Variants in AKR1C8 observed in about 807,000 individuals in gnomAD.
The protein encoded by AKR1C8 is aldo-keto reductase family 1 member C8.
chr10:5,175,630 A>C, the AKR1C8 span, among the ~76,000 whole-genome samples: 1 of 152,180 alleles, frequency 6.6e-6, no homozygotes, highest in South Asian at 2.1e-4. Context: ...CATCCTCTCC[A>C]GCACCTGTTG....
At chr10:5,174,247 T>C in the AKR1C8 span, among the ~76,000 whole-genome samples, 1 of 149,120 alleles carries the variant, frequency 6.7e-6, no homozygotes, top group African/African-American at 2.5e-5. Flanking sequence ...CTTCTGTCTA[T>C]AGAGTCATAT....
the AKR1C8 span, chr10:5,158,631 T>C: frequency 2.1e-6 from 1 of 481,934 alleles, no homozygotes; most frequent in Non-Finnish European, 4.3e-6. Context: ...CCCAGGGCAC[T>C]GTAGGCAACT....
the AKR1C8 span, among the ~76,000 whole-genome samples, chr10:5,184,041 T>C: frequency 6.6e-6 from 1 of 152,168 alleles, no homozygotes; most frequent in African/African-American, 2.4e-5. Flanking sequence ...ATGTGGACCG[T>C]GAGATGAGCC....
chr10:5,116,503 T>A, the AKR1C8 span, among the ~76,000 whole-genome samples: 1 of 152,108 alleles, frequency 6.6e-6, no homozygotes, highest in Non-Finnish European at 1.5e-5. Context: ...TACTAATACA[T>A]TGGATGCTGA....
the AKR1C8 span, among the ~76,000 whole-genome samples, chr10:5,120,898 T>C: frequency 6.6e-6 from 1 of 152,160 alleles, no homozygotes; most frequent in Non-Finnish European, 1.5e-5. Flanking sequence ...AATATGATGC[T>C]ATTACATTGC....
the AKR1C8 span, among the ~76,000 whole-genome samples, chr10:5,128,120 C>G: frequency 2.0e-5 from 3 of 152,134 alleles, no homozygotes; most frequent in African/African-American, 7.2e-5. Flanking sequence ...GATTGAGGTC[C>G]TATCTTTAGC....
the AKR1C8 span, among the ~76,000 whole-genome samples, chr10:5,169,527 G>T: frequency 1.3e-5 from 1 of 75,062 alleles, no homozygotes; most frequent in Non-Finnish European, 3.3e-5. Flanking sequence ...CTGATTGGTT[G>T]AGACAGAAGT....
At chr10:5,124,991 TAA>T in the AKR1C8 span, among the ~76,000 whole-genome samples, 5 of 145,546 alleles carry the variant, frequency 3.4e-5, no homozygotes, top group Non-Finnish European at 7.6e-5. Context: ...TTTGAAAACG[TAA>T]AAAAAAAAAG....
chr10:5,136,887 A>C, the AKR1C8 span, among the ~76,000 whole-genome samples: 2 of 152,190 alleles, frequency 1.3e-5, no homozygotes, highest in Non-Finnish European at 2.9e-5. Flanking sequence ...AATTCTGACA[A>C]GAGATAAACA....
the AKR1C8 span, among the ~76,000 whole-genome samples, chr10:5,142,856 G>A: frequency 2.0e-5 from 3 of 152,080 alleles, no homozygotes; most frequent in Admixed American, 2.0e-4. Flanking sequence ...ATGTGCTATT[G>A]GAAAAATGGT....
chr10:5,155,583 G>C, the AKR1C8 span: 1 of 353,596 alleles, frequency 2.8e-6, no homozygotes, highest in Admixed American at 3.4e-5. Context: ...CCTGAATTTG[G>C]GCCTGTCTTC....
At chr10:5,140,177 G>C in the AKR1C8 span, among the ~76,000 whole-genome samples, 12 of 152,278 alleles carry the variant, frequency 7.9e-5, no homozygotes, top group East Asian at 2.3e-3. Context: ...GGAGAAATAG[G>C]AATGTTTTTA....
the AKR1C8 span, among the ~76,000 whole-genome samples, chr10:5,180,711 T>C: frequency 6.6e-6 from 1 of 152,254 alleles, no homozygotes; most frequent in Non-Finnish European, 1.5e-5. Flanking sequence ...TCCCCCAGCC[T>C]GGCTGTCGCC....
At chr10:5,118,589 C>T in the AKR1C8 span, among the ~76,000 whole-genome samples, 1 of 152,066 alleles carries the variant, frequency 6.6e-6, no homozygotes, top group Non-Finnish European at 1.5e-5. Context: ...AAGAAAGATT[C>T]TAGTTTCTGT....
At chr10:5,148,591 G>A in the AKR1C8 span, among the ~76,000 whole-genome samples, 1 of 152,144 alleles carries the variant, frequency 6.6e-6, no homozygotes, top group Non-Finnish European at 1.5e-5. Flanking sequence ...TTACATTCTT[G>A]TGAGCCTCTT....
the AKR1C8 span, chr10:5,155,566 C>T: frequency 2.9e-6 from 1 of 350,542 alleles, no homozygotes; most frequent in Non-Finnish European, 6.0e-6. Context: ...TCCTATTTCA[C>T]CCCATGCCTG....
At chr10:5,115,845 C>A in the AKR1C8 span, among the ~76,000 whole-genome samples, 1 of 152,008 alleles carries the variant, frequency 6.6e-6, no homozygotes, top group Non-Finnish European at 1.5e-5. Flanking sequence ...TATACATGCA[C>A]AAATATGGTT....
chr10:5,118,939 T>TAAAAAA, the AKR1C8 span, among the ~76,000 whole-genome samples: 1 of 149,974 alleles, frequency 6.7e-6, no homozygotes, highest in Non-Finnish European at 1.5e-5. Context: ...TAAATTTCTT[T>TAAAAAA]AAAAAAAAAA....
the AKR1C8 span, among the ~76,000 whole-genome samples, chr10:5,128,301 A>C: frequency 6.6e-6 from 1 of 152,158 alleles, no homozygotes; most frequent in Non-Finnish European, 1.5e-5. Flanking sequence ...TTCAACCAAA[A>C]GACTGTTATA....
Sources: allele counts gnomAD v4.1 joint callset (sites outside exome capture counted in the v4.1 genomes callset), GRCh38; gene constraint gnomAD v4.1.1; transcripts MANE v1.5; gene names NCBI Gene and HGNC (gene_info 2026-07-23, HGNC 2026-07-21).